The following LPCAT1 variants were observed in gnomAD, a reference collection of about 807,000 sequenced individuals.
LPCAT1 encodes 1-acylglycerol-3-phosphate O-acyltransferase.
In LPCAT1, 23 loss-of-function variants were observed where a neutral mutation model predicts 60.9. That is an observed-to-expected ratio of 0.38 (90% CI 0.27 to 0.53). The LOEUF is 0.53. Ranked by LOEUF, LPCAT1 falls within the 20% of genes least tolerant of loss-of-function variation. LPCAT1 has a pLI of 0.82. For synonymous variants in LPCAT1, 340 were observed against 301.1 expected (o/e 1.13, Z -1.34); for missense variants, 622 against 723.6 (o/e 0.86, Z 1.61).
At position 1,496,835 on chromosome 5, in the gene LPCAT1, ACCCACTCAC is replaced by A. The variant is rs1735812249; in HGVS notation, c.279-1930_279-1922del. Among the ~76,000 whole-genome samples the A allele has an allele frequency of 6.6e-6, 1 of 152,188 alleles. No homozygotes were observed. The highest frequency in any genetic ancestry group is 1.5e-5 in the Non-Finnish European group (1 of 68,028). On this transcript the variant is annotated intron_variant, in intron 2 of 13. Coordinates refer to ENST00000283415, the MANE Select transcript of LPCAT1 (RefSeq NM_024830.5). This position sits in a 1 kb window ranked among gnomAD's most constrained non-coding sequence, Gnocchi z 4.7. ...CTTGCTGTGGGGTTGGGGACCCAGC[ACCCACTCAC>A]CCCAAGGCAAAGGGAGCCAGCACAA... is the stretch of plus-strand genomic sequence containing the variant.
intron 5 of LPCAT1, among the ~76,000 whole-genome samples, chr5:1,484,321 G>A (rs1164498092): frequency 6.6e-6 from 1 of 152,262 alleles, no homozygotes; most frequent in African/African-American, 2.4e-5. Flanking sequence ...CTTGCGGGCT[G>A]GAGCAAGGCA....
chr5:1,499,686 C>T (rs533627680), intron 2 of LPCAT1, among the ~76,000 whole-genome samples: 1 of 152,214 alleles, frequency 6.6e-6, no homozygotes, highest in South Asian at 2.1e-4. Context: ...GCTCAACGTC[C>T]ACCCACTCAG....
intron 9 of LPCAT1, among the ~76,000 whole-genome samples, chr5:1,475,771 TCCG>T (rs1734884517): frequency 1.3e-5 from 2 of 148,658 alleles, no homozygotes; most frequent in Admixed American, 6.7e-5. Flanking sequence ...GGCCCAGGAG[TCCG>T]AGGCTGCTTC....
Position 1,501,546 on chromosome 5 carries a change from T to C in LPCAT1, c.193A>G (p.Met65Val). The change falls in exon 2 of 14, where the codon ATG becomes GTG. Residue 65 changes from methionine (M) to valine (V), a missense_variant. Physicochemically the swap from Met to Val is conservative, Grantham distance 21. Transcript: ENST00000283415. ...PVRLLVAAAM[M>V]LLAWPLALVA... ...AGTGCGAGGGGCCAGGCCAGCAGCA[T>C]CATGGCAGCGGCAACCAGGAGCCGG... is the stretch of plus-strand genomic sequence containing the variant. The C allele has an allele frequency of 6.2e-7, 1 of 1,613,964 alleles. No individual in the cohort carries two copies. Among genetic ancestry groups the C allele is most frequent in the Non-Finnish European group, 8.5e-7 (1 of 1,179,948 alleles).
intron 12 of LPCAT1, among the ~76,000 whole-genome samples, chr5:1,467,997 A>C (rs908161938): frequency 2.0e-5 from 3 of 151,790 alleles, no homozygotes; most frequent in African/African-American, 7.3e-5. Flanking sequence ...CCCTCCGAGA[A>C]GTGGGCTGCC....
At chr5:1,517,560 C>T (rs527310477) in intron 1 of LPCAT1, among the ~76,000 whole-genome samples, 1 of 152,340 alleles carries the variant, frequency 6.6e-6, no homozygotes, top group Admixed American at 6.5e-5. Context: ...GGCCAGACAC[C>T]CAGCAAGTGT....
At position 1,477,326 on chromosome 5, in the gene LPCAT1, C is replaced by T; in HGVS notation, c.899+78G>A. 1 of 1,181,924 alleles carries T rather than the reference C, an allele frequency of 8.5e-7. No individual in the cohort carries two copies. Among genetic ancestry groups the T allele is most frequent in the South Asian group, 1.3e-5 (1 of 77,852 alleles). The allele number at this position is 1,181,924 out of a possible 1,614,324, so 73.2% of individuals were successfully genotyped here. A position where few individuals can be genotyped will look rare whatever the true frequency, so the allele number is the denominator to read the frequency against. On this transcript the variant is annotated intron_variant, in intron 9 of 13. Transcript: ENST00000283415. The surrounding 1 kb of genome is among the most constrained non-coding windows in gnomAD (Gnocchi z 6.0). ...AGAATGCCTTTTCCTAACGCTGTTG[C>T]CTATTTTAAATATACAGAGAGCAGC...
intron 1 of LPCAT1, among the ~76,000 whole-genome samples, chr5:1,517,853 C>T (rs2962060): frequency 6.6e-6 from 1 of 152,252 alleles, no homozygotes; most frequent in Non-Finnish European, 1.5e-5. Context: ...AGCCCCCACC[C>T]CTGGCAGTGC....
rs1171661362 is a variant in LPCAT1 at position 1,474,036 on chromosome 5, A to G, written c.1100T>C (p.Ile367Thr). The change falls in exon 11 of 14, where the codon ATA (isoleucine) becomes ACA (threonine). Residue 367 changes from isoleucine (I) to threonine (T), a missense_variant. Ile to Thr is a moderately conservative substitution (Grantham distance 89). Transcript: ENST00000283415. ...GGAGGCGGCAAACTCCGCAATACCT[A>G]TCTTCTCTCCTCCCTTCATCCTGGC... ...ERARMKGGEK[I>T]GIAEFAASLE... is the part of the protein sequence containing the mutation. 8.7e-6 allele frequency: 14 copies of G among 1,613,342 alleles called. No individual in the cohort carries two copies. Among genetic ancestry groups the G allele is most frequent in the Middle Eastern group, 1.6e-4 (1 of 6,084 alleles).
At chr5:1,465,798 TAA>T (rs745899823) in intron 13 of LPCAT1, among the ~76,000 whole-genome samples, 3 of 150,694 alleles carry the variant, frequency 2.0e-5, no homozygotes, top group Non-Finnish European at 4.4e-5. Context: ...CTTTCAATAC[TAA>T]AAGAAGCACG....
intron 5 of LPCAT1, among the ~76,000 whole-genome samples, chr5:1,486,372 C>T (rs937157630): frequency 6.6e-6 from 1 of 152,124 alleles, no homozygotes; most frequent in African/African-American, 2.4e-5. Flanking sequence ...GCACCTGGGC[C>T]CAGGAGGACC....
rs575516378 is a variant in LPCAT1 at position 1,479,498 on chromosome 5, A to C, written c.816+123T>G. 1.1e-5 allele frequency: 8 copies of C among 748,098 alleles called. No individual in the cohort carries two copies. In the East Asian group the frequency reaches 2.0e-4, roughly 19 times the overall value. The allele number at this position is 748,098 out of a possible 1,614,324, so 46.3% of individuals were successfully genotyped here. On this transcript the variant is annotated intron_variant, in intron 8 of 13. Coordinates refer to ENST00000283415, the MANE Select transcript of LPCAT1 (RefSeq NM_024830.5). ...CTCGAAGGAGCCCTGAGAAACGGAA[A>C]GATGGGAAAGCAAGACAGGTGATAT...
intron 5 of LPCAT1, among the ~76,000 whole-genome samples, chr5:1,485,263 G>A (rs1389846440): frequency 1.3e-5 from 2 of 152,186 alleles, no homozygotes; most frequent in African/African-American, 4.8e-5. Context: ...AAAGGTCAGT[G>A]ACTTCATGGA....
intron 1 of LPCAT1, among the ~76,000 whole-genome samples, chr5:1,520,869 AAAAAAAAAAAGAAAAAGAAAAAG>A (rs1237927074): frequency 6.6e-6 from 1 of 151,086 alleles, no homozygotes; most frequent in Non-Finnish European, 1.5e-5. Context: ...TCAAAAAAAA[AAAAAAAAAAAGAAAAAGAAAAAG>A]AAAAAAAAAA....
At chr5:1,482,803 T>C (rs1735213056) in intron 6 of LPCAT1, among the ~76,000 whole-genome samples, 1 of 151,902 alleles carries the variant, frequency 6.6e-6, no homozygotes, top group South Asian at 2.1e-4. Flanking sequence ...CAAGGCCCCA[T>C]GGGGAACTGC....
intron 1 of LPCAT1, among the ~76,000 whole-genome samples, chr5:1,505,026 G>C (rs902321337): frequency 1.3e-5 from 2 of 151,618 alleles, no homozygotes; most frequent in African/African-American, 4.9e-5. Context: ...TTCCACCACA[G>C]GGTGTGGAAT....
Position 1,522,103 on chromosome 5 carries a change from G to A in LPCAT1, c.135+1607C>T, listed in dbSNP as rs1410282656. Among the ~76,000 whole-genome samples the A allele has an allele frequency of 6.6e-6, 1 of 152,156 alleles. No homozygotes were observed. The highest frequency in any genetic ancestry group is 1.5e-5 in the Non-Finnish European group (1 of 68,024). On this transcript the variant is annotated intron_variant, in intron 1 of 13. Transcript: ENST00000283415. This position sits in a 1 kb window ranked among gnomAD's most constrained non-coding sequence, Gnocchi z 6.8. ...GAGCATGCCTGAGGCAGCCATAGCTGGGGCAGGAGCAGGGCTGGGGAAGCC... is the reference window on the plus strand; with the variant it reads ...GAGCATGCCTGAGGCAGCCATAGCTAGGGCAGGAGCAGGGCTGGGGAAGCC...
rs146087964 is a variant in LPCAT1, at chr5:1,511,364, G to A, written c.136-9761C>T. Among the ~76,000 whole-genome samples, 422 of 151,962 alleles carry A rather than the reference G, an allele frequency of 2.8e-3. 1 individual carries two copies. Among genetic ancestry groups the A allele is most frequent in the Non-Finnish European group, 4.9e-3 (331 of 67,854 alleles). On this transcript the variant is annotated intron_variant, in intron 1 of 13. Transcript: ENST00000283415. ...TCAGGGGACACCACCTGCACGCCTC[G>A]CTCACCCTACGTGGGGACATCACCT... is the stretch of plus-strand genomic sequence containing the variant.
intron 1 of LPCAT1, among the ~76,000 whole-genome samples, chr5:1,507,435 C>T (rs1037608719): frequency 1.3e-5 from 2 of 152,222 alleles, no homozygotes; most frequent in African/African-American, 4.8e-5. Context: ...TACGATAAAC[C>T]AAGGCGTCCA....
Sources: allele counts gnomAD v4.1 joint callset (sites outside exome capture counted in the v4.1 genomes callset), GRCh38; gene constraint gnomAD v4.1.1; non-coding constraint Gnocchi (gnomAD v3.1); transcripts MANE v1.5; gene names NCBI Gene and HGNC (gene_info 2026-07-23, HGNC 2026-07-21).